EIPR1: variants seen among roughly 807,000 people sequenced by gnomAD.
EIPR1 encodes EARP and GARP complex-interacting protein 1.
Under a neutral mutation model 48.1 loss-of-function variants are expected in EIPR1, and 25 were observed. That is an observed-to-expected ratio of 0.52 (90% confidence interval 0.38 to 0.73). EIPR1 has a LOEUF of 0.73. EIPR1 is among the 30% of genes least tolerant of loss of function. The pLI is 0.00. For synonymous variants in EIPR1, 204 were observed against 201.9 expected, an observed-to-expected ratio of 1.01 and a Z score of -0.09; for missense variants, 415 against 506.2, an observed-to-expected ratio of 0.82 and a Z score of 1.73.
At chr2:3,220,169 G>A (rs1665829237) in intron 4 of EIPR1, among the ~76,000 whole-genome samples, 2 of 152,192 alleles carry the variant, frequency 1.3e-5, no homozygotes, top group African/African-American at 4.8e-5. Flanking sequence ...ACTGGTCCCT[G>A]TTGCTGAAAA....
intron 2 of EIPR1, among the ~76,000 whole-genome samples, chr2:3,345,245 T>A (rs987654547): frequency 1.3e-5 from 2 of 152,032 alleles, no homozygotes; most frequent in African/African-American, 2.4e-5. Context: ...GGGAGCTGCC[T>A]CTCACTCTAA....
At chr2:3,279,758 C>A (rs1327375498) in intron 3 of EIPR1, among the ~76,000 whole-genome samples, 1 of 152,208 alleles carries the variant, frequency 6.6e-6, no homozygotes, top group Non-Finnish European at 1.5e-5. Flanking sequence ...TGACCTGACG[C>A]GCAGAGCTGT....
rs550331716 is a variant in EIPR1, at chr2:3,279,644, C to T, written c.260-22189G>A. Among the ~76,000 whole-genome samples the T allele has an allele frequency of 6.6e-5, 10 of 152,350 alleles. No homozygotes were observed. In the South Asian group the frequency reaches 1.0e-3, roughly 16 times the overall value. Reference sequence around the variant, plus strand: ...TGCAGCCTAAGAGATAAGGTAGACACTCAACAGAAGCGAGTTTAAAGAAGG... The same window carrying T: ...TGCAGCCTAAGAGATAAGGTAGACATTCAACAGAAGCGAGTTTAAAGAAGG... On this transcript the variant is annotated intron_variant, in intron 3 of 8. Transcript: ENST00000382125.
intron 3 of EIPR1, among the ~76,000 whole-genome samples, chr2:3,296,068 T>C (rs1572409057): frequency 1.1e-5 from 1 of 87,858 alleles, no homozygotes. Context: ...AGCCCTCCTC[T>C]CTCTGCACAC....
At chr2:3,264,927 C>T (rs796869601) in intron 3 of EIPR1, among the ~76,000 whole-genome samples, 19 of 152,216 alleles carry the variant, frequency 1.2e-4, no homozygotes, top group East Asian at 3.9e-4. Flanking sequence ...CCTTGTGATC[C>T]GCCCTCCTCA....
intron 1 of EIPR1, among the ~76,000 whole-genome samples, chr2:3,370,159 C>T (rs1330558117): frequency 6.6e-6 from 1 of 152,200 alleles, no homozygotes; most frequent in East Asian, 1.9e-4. Flanking sequence ...CAAACTCCAA[C>T]AGACCTGCAG....
intron 3 of EIPR1, among the ~76,000 whole-genome samples, chr2:3,265,058 G>C (rs542752027): frequency 5.1e-4 from 12 of 23,500 alleles, no homozygotes; most frequent in African/African-American, 2.6e-3. Context: ...AATTTACATA[G>C]ATTTTCCAAA....
chr2:3,271,442 A>C (rs987507740), intron 3 of EIPR1, among the ~76,000 whole-genome samples: 8 of 152,208 alleles, frequency 5.3e-5, no homozygotes, highest in Non-Finnish European at 1.0e-4. Context: ...AAATAATAAG[A>C]CTTGAAAGTT....
intron 2 of EIPR1, among the ~76,000 whole-genome samples, chr2:3,344,066 C>G (rs1047793907): frequency 1.3e-5 from 2 of 152,070 alleles, no homozygotes; most frequent in African/African-American, 4.8e-5. Flanking sequence ...ACAAAAAATA[C>G]CACATATAAA....
At chr2:3,346,488 T>C (rs907493789) in intron 2 of EIPR1, among the ~76,000 whole-genome samples, 2 of 152,200 alleles carry the variant, frequency 1.3e-5, no homozygotes, top group African/African-American at 4.8e-5. Flanking sequence ...TTAAAATACA[T>C]CCATCCAACA....
chr2:3,248,374 A>T (rs1426861398), intron 4 of EIPR1, among the ~76,000 whole-genome samples: 1 of 152,218 alleles, frequency 6.6e-6, no homozygotes, highest in Non-Finnish European at 1.5e-5. Flanking sequence ...CGGGTGGATC[A>T]CCTGAGGTCA....
At chr2:3,342,972 A>T (rs181994016) in intron 2 of EIPR1, among the ~76,000 whole-genome samples, 1 of 152,382 alleles carries the variant, frequency 6.6e-6, no homozygotes, top group Non-Finnish European at 1.5e-5. Context: ...TTTATATTGC[A>T]CCAGGCACTA....
intron 4 of EIPR1, among the ~76,000 whole-genome samples, chr2:3,220,101 TG>T (rs1463216924): frequency 6.6e-6 from 1 of 152,148 alleles, no homozygotes; most frequent in Non-Finnish European, 1.5e-5. Context: ...TGATCTGAGG[TG>T]GAAGTTTCAT....
intron 3 of EIPR1, chr2:3,274,486 T>C (rs1237902621): frequency 1.3e-6 from 2 of 1,523,712 alleles, no homozygotes; most frequent in Non-Finnish European, 1.8e-6. Flanking sequence ...CATGTTAAGG[T>C]AAATCAAGCC....
chr2:3,245,488 T>C (rs13424339), intron 4 of EIPR1, among the ~76,000 whole-genome samples: 87,362 of 152,174 alleles, frequency 0.57, 25,441 homozygotes, highest in East Asian at 0.75. Context: ...GTTGAGATTA[T>C]AGGCATAAGC....
At chr2:3,330,232 C>T (rs12623730) in intron 3 of EIPR1, among the ~76,000 whole-genome samples, 42,073 of 152,150 alleles carry the variant, frequency 0.28, 7,828 homozygotes, top group East Asian at 0.64. Context: ...GTTAGTTTCA[C>T]TCTGCAAACA....
intron 3 of EIPR1, among the ~76,000 whole-genome samples, chr2:3,306,120 G>A (rs537496144): frequency 1.3e-5 from 2 of 152,324 alleles, no homozygotes; most frequent in East Asian, 1.9e-4. Flanking sequence ...GGCACCCAGC[G>A]CAGACGCATT....
In EIPR1 at chr2:3,217,013, C is replaced by T. The variant is rs564122607; in HGVS notation, c.417-2765G>A. 8.5e-5 allele frequency among the ~76,000 whole-genome samples: 13 copies of T among 152,264 alleles called. No homozygotes were observed. In the South Asian group the frequency reaches 2.5e-3, roughly 29 times the overall value. ...GCCCTTCCTCGGAAGACAAGTGTGC[C>T]CTTTCAACTGCCCACAGTCCCAACC... is the stretch of plus-strand genomic sequence containing the variant. On this transcript the variant is annotated intron_variant, in intron 4 of 8. Transcript: ENST00000382125.
At chr2:3,334,687 C>A (rs377378210) in intron 3 of EIPR1, among the ~76,000 whole-genome samples, 2 of 152,256 alleles carry the variant, frequency 1.3e-5, no homozygotes, top group South Asian at 2.1e-4. Flanking sequence ...GCATTTCACA[C>A]TGGAAAACAG....
Sources: allele counts gnomAD v4.1 joint callset (sites outside exome capture counted in the v4.1 genomes callset), GRCh38; gene constraint gnomAD v4.1.1; transcripts MANE v1.5; gene names NCBI Gene and HGNC (gene_info 2026-07-23, HGNC 2026-07-21).